The following ASPHD1 variants were observed in gnomAD, a reference collection of about 807,000 sequenced individuals.
The protein encoded by ASPHD1 is aspartate beta-hydroxylase domain containing 1, also known as aspartate beta-hydroxylase domain-containing protein 1.
A neutral mutation model predicts 28.3 loss-of-function variants in ASPHD1; 20 were observed. That is an observed-to-expected ratio of 0.71 (90% CI 0.50 to 1.03). The LOEUF is 1.03. ASPHD1 is among the 50% of genes least tolerant of loss of function. The pLI is 0.00. For missense variants in ASPHD1, 479 were observed against 524.1 expected (o/e 0.91, Z 0.84); for synonymous variants, 240 against 221.2 (o/e 1.08, Z -0.75).
At chr16:29,906,414 C>T (rs1232418514), downstream of ASPHD1, 2 of 368,138 alleles carry the variant, frequency 5.4e-6, no homozygotes, top group Non-Finnish European at 1.1e-5. Context: ...ACTGATAACG[C>T]TGAGCTGGGC....
chr16:29,903,434 T>A (rs2068572650), intron 1 of ASPHD1, among the ~76,000 whole-genome samples: 1 of 151,808 alleles, frequency 6.6e-6, no homozygotes, highest in Non-Finnish European at 1.5e-5. Flanking sequence ...TGCCTTGGCC[T>A]CCCAAAGTGC....
downstream of ASPHD1, chr16:29,910,900 C>G (rs985864040): frequency 7.8e-6 from 11 of 1,405,976 alleles, no homozygotes; most frequent in African/African-American, 7.1e-5. Flanking sequence ...GGCTCCTTCC[C>G]CTGCCAACCT....
At chr16:29,916,264 AT>A (rs2068807702) in intron 3 of ASPHD1, among the ~76,000 whole-genome samples, 1 of 151,822 alleles carries the variant, frequency 6.6e-6, no homozygotes, top group Non-Finnish European at 1.5e-5. Flanking sequence ...TTTTCTTTTA[AT>A]TTTTTTAGAG....
chr16:29,900,941 G>A lies in ASPHD1; in HGVS notation c.-31G>A, dbSNP rs371409198. 1.3e-6 allele frequency: 2 copies of A among 1,538,082 alleles called. No individual in the cohort carries two copies. Among genetic ancestry groups the A allele is most frequent in the African/African-American group, 1.4e-5 (1 of 72,646 alleles). ...AAGAGGTAGAAGGAGAGAGAAAGGG[G>A]AGAGAAAGGAGAGAGGAGGGTTGGA... On this transcript the variant is annotated 5_prime_UTR_variant, in exon 1 of 3. Transcript: ENST00000308748.
intron 3 of ASPHD1, chr16:29,914,089 CA>C (rs1360855541): frequency 6.6e-6 from 1 of 152,282 alleles, no homozygotes; most frequent in African/African-American, 2.4e-5. Flanking sequence ...CTCAGCCTCC[CA>C]AAGTGCTGGG....
At chr16:29,911,203 C>G in intron 3 of ASPHD1, 1 of 1,577,426 alleles carries the variant, frequency 6.3e-7, no homozygotes, top group Middle Eastern at 1.7e-4. Flanking sequence ...GAGGCCTCAG[C>G]GCAGTTGGCA....
downstream of ASPHD1, chr16:29,906,526 T>G (rs1597008055): frequency 4.1e-6 from 2 of 483,374 alleles, no homozygotes; most frequent in Non-Finnish European, 8.2e-6. Context: ...CAGACTGTGG[T>G]GATGTCAGGA....
At position 29,911,610 on chromosome 16, in the gene ASPHD1, A is replaced by T; in HGVS notation, c.*62+5651A>T. On this transcript the variant is annotated intron_variant and NMD_transcript_variant, in intron 3 of 3. Transcript: ENST00000414952. ...CGCCACTATCACTTTGTCCTCACCC[A>T]AACCCATTTACTGATGACTGAGCTG... The T allele has an allele frequency of 8.2e-6, 5 of 608,964 alleles. No homozygotes were observed. The South Asian group carries it at 9.8e-5, about 12-fold the overall frequency. 37.7% of individuals were successfully genotyped at this position (608,964 alleles called of 1,614,324 possible).
intron 2 of ASPHD1, chr16:29,905,256 C>T (rs2068591519): frequency 6.5e-6 from 2 of 308,630 alleles, no homozygotes; most frequent in Non-Finnish European, 1.2e-5. Flanking sequence ...AGGACTTAAC[C>T]TCCTTATGCC....
downstream of ASPHD1, among the ~76,000 whole-genome samples, chr16:29,910,096 T>TA (rs529199170): frequency 3.7e-3 from 411 of 110,412 alleles, no homozygotes; most frequent in African/African-American, 7.0e-3. Context: ...AGACTCTGTC[T>TA]AAAAAAAAAA....
Position 29,905,800 on chromosome 16 carries a change from A to T in ASPHD1, c.1076A>T (p.Asp359Val). The change falls in exon 3 of 3, where the codon GAT becomes GTT. Residue 359 changes from aspartate (D) to valine (V), a missense_variant. Transcript: ENST00000308748. ...CCATGTGCCCTAGGCTCCCCCGAAG[A>T]TGGGCCTCGAGTGGTCTTCATCGTG... ...HTVAHNGSPE[D>V]GPRVVFIVDL... The T allele has an allele frequency of 1.2e-6, 2 of 1,613,716 alleles. No homozygotes were observed. Among genetic ancestry groups the T allele is most frequent in the Non-Finnish European group, 1.7e-6 (2 of 1,179,762 alleles).
downstream of ASPHD1, chr16:29,906,676 G>A: frequency 1.5e-6 from 1 of 689,234 alleles, no homozygotes; most frequent in Non-Finnish European, 2.7e-6. Flanking sequence ...GAGTGGTGGG[G>A]CCGGAATGTA....
At chr16:29,911,997 G>A (rs1364272684) in intron 3 of ASPHD1, 1 of 1,611,822 alleles carries the variant, frequency 6.2e-7, no homozygotes, top group Non-Finnish European at 8.5e-7. Flanking sequence ...CTCCTCCCGG[G>A]GAGATGTCAC....
intron 3 of ASPHD1, chr16:29,914,435 C>CTTTTT (rs765793348): frequency 7.4e-6 from 1 of 135,112 alleles, no homozygotes; most frequent in African/African-American, 2.8e-5. Context: ...AAGTGCATTT[C>CTTTTT]TTTTTTTTTT....
intron 3 of ASPHD1, chr16:29,912,023 C>T (rs1216506240): frequency 6.2e-7 from 1 of 1,609,606 alleles, no homozygotes; most frequent in Non-Finnish European, 8.5e-7. Context: ...GGATGAGGCA[C>T]AGCGGGGACA....
chr16:29,909,105 G>A (rs893156599), downstream of ASPHD1, among the ~76,000 whole-genome samples: 2 of 152,008 alleles, frequency 1.3e-5, no homozygotes, highest in African/African-American at 4.8e-5. Flanking sequence ...GTGTGAAAAG[G>A]GCCCAGCTAA....
rs1346703397 is a variant in ASPHD1 at position 29,904,871 on chromosome 16, C to A, written c.969C>A (p.Gly323=). The change falls in exon 2 of 3, where the codon GGC becomes GGA. Residue 323 remains glycine, a synonymous_variant. Coordinates refer to ENST00000308748, the MANE Select transcript of ASPHD1 (RefSeq NM_181718.4). ...TTACAGGCCTAAAGATCCCTCCTGG[C>A]TGTGAGCTGGTGGTCGGCGGTGAGC... The part of the protein sequence containing the change: ...RCHLGLKIPP[G]CELVVGGEPQ... 1.2e-6 allele frequency: 2 copies of A among 1,612,500 alleles called. No individual in the cohort carries two copies. Among genetic ancestry groups the A allele is most frequent in the Admixed American group, 3.4e-5 (2 of 59,494 alleles).
Position 29,906,005 on chromosome 16 carries a change from G to GGTGT in ASPHD1, c.*108_*109insGTGT. 6 of 465,154 alleles carry GGTGT rather than the reference G, an allele frequency of 1.3e-5. No homozygotes were observed. Among genetic ancestry groups the GGTGT allele is most frequent in the Non-Finnish European group, 2.0e-5 (5 of 252,748 alleles). The allele number at this position is 465,154 out of a possible 1,614,324, so 28.8% of individuals were successfully genotyped here. ...ACTGCGGGGGTGGGCGGGGGCGGAG[G>GGTGT]ATGGGAACTGGCTAGTGAGCACTGA... On this transcript the variant is annotated 3_prime_UTR_variant, in exon 3 of 3. Transcript: ENST00000308748.
intron 3 of ASPHD1, chr16:29,914,242 C>T (rs1156805623): frequency 6.6e-6 from 1 of 152,110 alleles, no homozygotes; most frequent in Non-Finnish European, 1.5e-5. Context: ...TGGTGGCTGG[C>T]TCCACAGGCC....
Sources: allele counts gnomAD v4.1 joint callset (sites outside exome capture counted in the v4.1 genomes callset), GRCh38; gene constraint gnomAD v4.1.1; transcripts MANE v1.5; gene names NCBI Gene and HGNC (gene_info 2026-07-23, HGNC 2026-07-21).